Variants in TRPA1 observed in about 807,000 individuals in gnomAD.
TRPA1 encodes the protein transient receptor potential cation channel subfamily A member 1, also known as ankyrin-like with transmembrane domains 1.
In TRPA1, 129 loss-of-function variants were observed where a neutral mutation model predicts 131.3. The observed-to-expected ratio is 0.98, with a 90% CI of 0.85 to 1.14. The LOEUF (loss-of-function observed/expected upper bound fraction) is 1.14. Among genes scored for constraint, TRPA1 ranks in the 50% most tolerant of loss-of-function variants. The pLI, the probability that TRPA1 is intolerant of heterozygous loss-of-function variation, is 0.00. For missense variants in TRPA1, 1,304 were observed against 1,354.2 expected, an observed-to-expected ratio of 0.96 and a Z score of 0.58; for synonymous variants, 441 against 451.7, an observed-to-expected ratio of 0.98 and a Z score of 0.30.
Position 72,034,158 on chromosome 8 carries a change from A to G in TRPA1, c.2685+90T>C, listed in dbSNP as rs1811944400. The G allele has an allele frequency of 3.1e-6, 4 of 1,275,388 alleles. No homozygotes were observed. In the South Asian group the frequency reaches 5.7e-5, roughly 18 times the overall value. 79.0% of individuals were successfully genotyped at this position (1,275,388 alleles called of 1,614,324 possible). ...ATTTGAATACTGTTGTTATGTAATT[A>G]TGCATTTTCTAGACTATTTAGATTT... On this transcript the variant is annotated intron_variant, in intron 22 of 26. Transcript: ENST00000262209.
At chr8:72,057,596 C>T in intron 9 of TRPA1, 121 bp downstream of exon 9, 1 of 811,512 alleles carries the variant, frequency 1.2e-6, no homozygotes, top group Non-Finnish European at 2.2e-6. Flanking sequence ...CAACACCTGG[C>T]CCAGGGCCTG....
In TRPA1 at chr8:72,038,900, C is replaced by G; in HGVS notation, c.2260G>C (p.Glu754Gln). Reference sequence around the variant, plus strand: ...AGTATTTCTGAATGATCACTAGTTTCATTGATGATGCCAGTTGAGTTGAAA... The same window carrying G: ...AGTATTTCTGAATGATCACTAGTTTGATTGATGATGCCAGTTGAGTTGAAA... ...MAFNSTGIIN[E>Q]TSDHSEILDT... The change falls in exon 19 of 27, where the codon GAA (glutamate) becomes CAA (glutamine). Residue 754 changes from glutamate (E) to glutamine (Q), a missense_variant. By Grantham distance (29) the Glu-to-Gln change is conservative. Coordinates refer to ENST00000262209, the MANE Select transcript of TRPA1 (RefSeq NM_007332.3). 6.2e-7 allele frequency: 1 copy of G among 1,612,576 alleles called. No homozygotes were observed. The highest frequency in any genetic ancestry group is 8.5e-7 in the Non-Finnish European group (1 of 1,179,218).
At chr8:72,036,239 G>T in intron 21 of TRPA1, 49 bp downstream of exon 21, 1 of 1,581,592 alleles carries the variant, frequency 6.3e-7, no homozygotes, top group Non-Finnish European at 8.7e-7. Flanking sequence ...TTTTTCTTTT[G>T]ATATTAAAAA....
chr8:72,069,284 T>A, intron 2 of TRPA1, 86 bp from the exon 3 acceptor site: 1 of 1,330,438 alleles, frequency 7.5e-7, no homozygotes, highest in Non-Finnish European at 1.1e-6. Context: ...TAAAACTCAG[T>A]GCCAAGTGCA....
At chr8:72,062,480 A>C (rs7830801) in intron 6 of TRPA1, among the ~76,000 whole-genome samples, 45,157 of 152,050 alleles carry the variant, frequency 0.3, 7,061 homozygotes, top group Middle Eastern at 0.44. Flanking sequence ...AAATACATTC[A>C]TGATTGGGCT....
intron 25 of TRPA1, among the ~76,000 whole-genome samples, chr8:72,025,672 T>G (rs1811575379): frequency 6.6e-6 from 1 of 152,086 alleles, no homozygotes; most frequent in African/African-American, 2.4e-5. Flanking sequence ...AAAAAGACAC[T>G]AAAAGGGTGT....
intron 12 of TRPA1, chr8:72,054,581 T>C (rs1165016841): frequency 6.6e-6 from 1 of 152,424 alleles, no homozygotes; most frequent in Non-Finnish European, 1.5e-5. Context: ...GCCATGTTGC[T>C]ATTTCAGTTA....
At chr8:72,043,434 G>A (rs1029408188) in intron 17 of TRPA1, among the ~76,000 whole-genome samples, 3 of 151,598 alleles carry the variant, frequency 2.0e-5, no homozygotes, top group African/African-American at 7.3e-5. Flanking sequence ...TTCATCATTT[G>A]GATATAGTAG....
At chr8:72,061,110 G>A (rs985312727) in intron 7 of TRPA1, among the ~76,000 whole-genome samples, 15 of 152,076 alleles carry the variant, frequency 9.9e-5, no homozygotes, top group Admixed American at 7.2e-4. Context: ...CCTGATGTGC[G>A]TTTCTGTTAA....
At position 72,055,580 on chromosome 8, in the gene TRPA1, C is replaced by A. The variant is rs944401339; in HGVS notation, c.1385G>T (p.Cys462Phe). 1.2e-6 allele frequency: 2 copies of A among 1,613,528 alleles called. No homozygotes were observed. Among genetic ancestry groups the A allele is most frequent in the Admixed American group, 1.7e-5 (1 of 59,942 alleles). The stretch of plus-strand genomic sequence containing the variant: ...ACTTATGTCTTGTAGGAGCCTCTGA[C>A]AGGTATTGATACGCCCATAACTTGG... The part of the protein sequence containing the change: ...FAASYGRINT[C>F]QRLLQDISDT... Residue 462 changes from cysteine (C) to phenylalanine (F), a missense_variant, in exon 12 of 27, where the codon TGT becomes TTT. By Grantham distance (205) the Cys-to-Phe change is radical. Transcript: ENST00000262209.
At chr8:72,056,069 A>G (rs1203538640) in intron 10 of TRPA1, 16 of 599,492 alleles carry the variant, frequency 2.7e-5, no homozygotes, top group Non-Finnish European at 4.7e-5. Flanking sequence ...ATATTAGTGT[A>G]CATTACTGTA....
At chr8:72,067,209 T>G (rs1805952806) in intron 3 of TRPA1, among the ~76,000 whole-genome samples, 2 of 152,064 alleles carry the variant, frequency 1.3e-5, no homozygotes, top group Non-Finnish European at 2.9e-5. Context: ...GGGCTGGGTG[T>G]TTACAGGCCG....
upstream of TRPA1, among the ~76,000 whole-genome samples, chr8:72,079,140 C>T (rs577630466): frequency 1.3e-5 from 2 of 151,812 alleles, no homozygotes; most frequent in Non-Finnish European, 2.9e-5. Flanking sequence ...CTAAATATAA[C>T]TCTTTAAACA....
intron 20 of TRPA1, 95 bp downstream of exon 20, chr8:72,037,888 T>C: frequency 3.9e-6 from 3 of 760,956 alleles, no homozygotes; most frequent in Non-Finnish European, 4.6e-6. Context: ...GTAATTTTAT[T>C]ATGACATAAT....
chr8:72,069,651 A>C (rs562937244), intron 2 of TRPA1, among the ~76,000 whole-genome samples: 2 of 152,300 alleles, frequency 1.3e-5, no homozygotes, highest in African/African-American at 4.8e-5. Context: ...AGAGGTTAAA[A>C]GTCTTGCCAA....
At chr8:72,085,135 G>C in the TRPA1 span, among the ~76,000 whole-genome samples, 67 of 152,050 alleles carry the variant, frequency 4.4e-4, 1 homozygote, top group Non-Finnish European at 8.8e-5. Flanking sequence ...TTTCATGTTA[G>C]TTTGTGATTT....
chr8:72,087,177 G>C, the TRPA1 span, among the ~76,000 whole-genome samples: 10 of 152,230 alleles, frequency 6.6e-5, no homozygotes, highest in South Asian at 4.2e-4. Flanking sequence ...TGTATTACTG[G>C]CTGTAATTGG....
chr8:72,073,175 A>G (rs1041245001), intron 1 of TRPA1, among the ~76,000 whole-genome samples: 1 of 152,224 alleles, frequency 6.6e-6, no homozygotes, highest in African/African-American at 2.4e-5. Context: ...TATATCAAAT[A>G]CATCTGTTTT....
intron 17 of TRPA1, among the ~76,000 whole-genome samples, chr8:72,044,736 C>G (rs918387276): frequency 2.0e-5 from 3 of 151,864 alleles, no homozygotes; most frequent in Non-Finnish European, 4.4e-5. Flanking sequence ...TTTCTGTGCA[C>G]AGTAATTTCT....
Sources: allele counts gnomAD v4.1 joint callset (sites outside exome capture counted in the v4.1 genomes callset), GRCh38; gene constraint gnomAD v4.1.1; transcripts MANE v1.5; gene names NCBI Gene and HGNC (gene_info 2026-07-23, HGNC 2026-07-21).